Variants in ATXN10 observed in about 807,000 individuals in gnomAD.
ATXN10 encodes ataxin 10.
Under a neutral mutation model 52.9 loss-of-function variants are expected in ATXN10, and 28 were observed. That is an observed-to-expected ratio of 0.53 (90% confidence interval 0.39 to 0.73). The LOEUF (loss-of-function observed/expected upper bound fraction) is 0.73, where lower values mean the gene tolerates loss of function less well. ATXN10 is among the 30% of genes least tolerant of loss of function. ATXN10 has a pLI of 0.00. For missense variants in ATXN10, 565 were observed against 577.0 expected, an observed-to-expected ratio of 0.98 and a Z score of 0.21; for synonymous variants, 226 against 221.5, an observed-to-expected ratio of 1.02 and a Z score of -0.18.
At chr22:45,755,982 C>A (rs1372879316) in intron 9 of ATXN10, among the ~76,000 whole-genome samples, 1 of 151,412 alleles carries the variant, frequency 6.6e-6, no homozygotes, top group Non-Finnish European at 1.5e-5. Context: ...CCATGCTCTG[C>A]ACCACTACAT....
intron 7 of ATXN10, among the ~76,000 whole-genome samples, chr22:45,731,800 A>G (rs935080837): frequency 1.3e-5 from 2 of 152,152 alleles, no homozygotes; most frequent in African/African-American, 2.4e-5. Flanking sequence ...GTGCTTTGTC[A>G]TATAGACCAT....
intron 9 of ATXN10, among the ~76,000 whole-genome samples, chr22:45,779,881 T>A (rs965658066): frequency 6.6e-6 from 1 of 152,192 alleles, no homozygotes; most frequent in Non-Finnish European, 1.5e-5. Context: ...CTTTCATTTT[T>A]AAAATATTTA....
intron 9 of ATXN10, among the ~76,000 whole-genome samples, chr22:45,747,956 G>T (rs947240243): frequency 4.0e-5 from 6 of 151,092 alleles, no homozygotes; most frequent in Admixed American, 2.0e-4. Context: ...CCAGTTACTT[G>T]GTGGGGCCAA....
intron 1 of ATXN10, chr22:45,679,982 G>A (rs1255071189): frequency 1.3e-5 from 2 of 152,208 alleles, no homozygotes; most frequent in Non-Finnish European, 2.9e-5. Flanking sequence ...TCAGAGCAGA[G>A]TTTCTCAGCT....
chr22:45,700,191 G>A (rs1923786203), intron 3 of ATXN10, 91 bp from the exon 4 acceptor site: 2 of 974,560 alleles, frequency 2.1e-6, no homozygotes, highest in Admixed American at 2.4e-5. Flanking sequence ...GAAACTTTCT[G>A]TTTAATAACA....
At chr22:45,830,872 G>A (rs541772779) in intron 10 of ATXN10, among the ~76,000 whole-genome samples, 3 of 152,268 alleles carry the variant, frequency 2.0e-5, no homozygotes, top group Admixed American at 1.3e-4. Context: ...GTATATACCC[G>A]AAAGAATTGA....
rs1929188697 is a variant in ATXN10 at position 45,837,006 on chromosome 22, C to T, written c.1238-5985C>T. Reference sequence around the variant, plus strand: ...TTGTGCGCCCCTCCCTGCTCCACAGCGTACTTTGGAAAGCCCTGCAGCACA... The same window carrying T: ...TTGTGCGCCCCTCCCTGCTCCACAGTGTACTTTGGAAAGCCCTGCAGCACA... On this transcript the variant is annotated intron_variant, in intron 10 of 11. Coordinates refer to ENST00000252934, the MANE Select transcript of ATXN10 (RefSeq NM_013236.4). This position sits in a 1 kb window ranked among gnomAD's most constrained non-coding sequence, Gnocchi z 5.8. Among the ~76,000 whole-genome samples, 1 of 152,188 alleles carries T rather than the reference C, an allele frequency of 6.6e-6. No individual in the cohort carries two copies. The highest frequency in any genetic ancestry group is 2.4e-5 in the African/African-American group (1 of 41,442).
intron 9 of ATXN10, among the ~76,000 whole-genome samples, chr22:45,751,150 T>G (rs973666374): frequency 6.6e-6 from 1 of 152,084 alleles, no homozygotes; most frequent in Admixed American, 6.5e-5. Context: ...AGGCTGGTCT[T>G]GAATTCCTGA....
Position 45,681,409 on chromosome 22 carries a change from T to C in ATXN10, c.117-8303T>C, listed in dbSNP as rs965400365. 6.6e-6 allele frequency among the ~76,000 whole-genome samples: 1 copy of C among 152,186 alleles called. No homozygotes were observed. The highest frequency in any genetic ancestry group is 2.4e-5 in the African/African-American group (1 of 41,440). On this transcript the variant is annotated intron_variant, in intron 1 of 11. Coordinates refer to ENST00000252934, the MANE Select transcript of ATXN10 (RefSeq NM_013236.4). This position sits in a 1 kb window ranked among gnomAD's most constrained non-coding sequence, Gnocchi z 4.2. Reference sequence around the variant, plus strand: ...TAGGGCCCTTGCTTCATCAAGTCTTTAACCTCACCAGGACCTACAGTCTTT... The same window carrying C: ...TAGGGCCCTTGCTTCATCAAGTCTTCAACCTCACCAGGACCTACAGTCTTT...
At chr22:45,832,693 A>T (rs1929032347) in intron 10 of ATXN10, among the ~76,000 whole-genome samples, 1 of 152,256 alleles carries the variant, frequency 6.6e-6, no homozygotes, top group South Asian at 2.1e-4. Flanking sequence ...CAGATGTAAG[A>T]TTAACAGTTT....
At chr22:45,792,853 C>T in intron 9 of ATXN10, 1 of 513,280 alleles carries the variant, frequency 1.9e-6, no homozygotes, top group Non-Finnish European at 4.0e-6. Flanking sequence ...GGTGAAAAAC[C>T]TTCGACATTT....
At chr22:45,758,535 T>G (rs1282650689) in intron 9 of ATXN10, among the ~76,000 whole-genome samples, 1 of 152,242 alleles carries the variant, frequency 6.6e-6, no homozygotes, top group Admixed American at 6.5e-5. Flanking sequence ...AATTCAAGGT[T>G]GCTTTGATGT....
chr22:45,736,791 T>C (rs1265065959), intron 7 of ATXN10, among the ~76,000 whole-genome samples: 1 of 152,216 alleles, frequency 6.6e-6, no homozygotes, highest in East Asian at 1.9e-4. Context: ...GATACTACTT[T>C]CGTCAAGAAG....
chr22:45,722,707 G>A (rs893496801), intron 6 of ATXN10, among the ~76,000 whole-genome samples: 2 of 151,908 alleles, frequency 1.3e-5, no homozygotes, highest in African/African-American at 2.4e-5. Flanking sequence ...CACCTCATCC[G>A]CTTGGACCCC....
Position 45,835,590 on chromosome 22 carries a change from G to C in ATXN10, c.1238-7401G>C, listed in dbSNP as rs971466818. 3.9e-5 allele frequency among the ~76,000 whole-genome samples: 6 copies of C among 152,234 alleles called. No homozygotes were observed. The highest frequency in any genetic ancestry group is 1.4e-4 in the African/African-American group (6 of 41,462). On this transcript the variant is annotated intron_variant, in intron 10 of 11. Transcript: ENST00000252934. This position sits in a 1 kb window ranked among gnomAD's most constrained non-coding sequence, Gnocchi z 5.0. The stretch of plus-strand genomic sequence containing the variant: ...AGATATAAAATCTCTAGTGGACAGA[G>C]GTGTGAAATGTAGTTCTGTCAAACT...
intron 6 of ATXN10, among the ~76,000 whole-genome samples, chr22:45,721,951 C>A (rs934867079): frequency 2.0e-5 from 3 of 151,804 alleles, no homozygotes; most frequent in African/African-American, 7.3e-5. Flanking sequence ...AAACAGGAAT[C>A]GTAATTTTAA....
At chr22:45,755,439 G>C (rs1052880225) in intron 9 of ATXN10, among the ~76,000 whole-genome samples, 5 of 152,114 alleles carry the variant, frequency 3.3e-5, no homozygotes, top group African/African-American at 1.2e-4. Context: ...AGCAAGAAGA[G>C]GTGTGAAGGT....
intron 9 of ATXN10, among the ~76,000 whole-genome samples, chr22:45,756,118 T>TA (rs1438561379): frequency 6.6e-6 from 1 of 152,176 alleles, no homozygotes; most frequent in African/African-American, 2.4e-5. Flanking sequence ...AAATTAAGTT[T>TA]AAAATGGAAT....
In ATXN10 at chr22:45,826,999, T is replaced by C. The variant is rs556562269; in HGVS notation, c.1238-15992T>C. Among the ~76,000 whole-genome samples, 61 of 152,344 alleles carry C rather than the reference T, an allele frequency of 4.0e-4. No individual in the cohort carries two copies. The highest frequency in any genetic ancestry group is 1.4e-3 in the African/African-American group (59 of 41,580). On this transcript the variant is annotated intron_variant, in intron 10 of 11. Coordinates refer to ENST00000252934, the MANE Select transcript of ATXN10 (RefSeq NM_013236.4). The surrounding 1 kb of genome is among the most constrained non-coding windows in gnomAD (Gnocchi z 5.0). Reference sequence around the variant, plus strand: ...ACAGCATATAAGGTTTTAATTTTTTTTATGTTAACCGAAAGGAGTAAACAG... The same window carrying C: ...ACAGCATATAAGGTTTTAATTTTTTCTATGTTAACCGAAAGGAGTAAACAG...
Sources: gnomAD v4.1 joint callset for allele counts (sites outside exome capture counted in the v4.1 genomes callset) on GRCh38, gnomAD v4.1.1 for gene constraint, Gnocchi (gnomAD v3.1) non-coding constraint, MANE v1.5 for transcripts, NCBI Gene and HGNC (gene_info 2026-07-23, HGNC 2026-07-21) for gene names.